The following DLGAP2 variants were observed in gnomAD, a reference collection of about 807,000 sequenced individuals.
The protein encoded by DLGAP2 is DLG associated protein 2, also known as disks large-associated protein 2.
Under a neutral mutation model 100.3 loss-of-function variants are expected in DLGAP2, and 26 were observed. The observed-to-expected ratio is 0.26, with a 90% CI of 0.19 to 0.36. The LOEUF (loss-of-function observed/expected upper bound fraction) is 0.36, where lower values mean the gene tolerates loss of function less well. Ranked by LOEUF, DLGAP2 falls within the 10% of genes least tolerant of loss-of-function variation. The probability of loss-of-function intolerance (pLI) is 1.00; values close to 1 mark genes in which losing one functional copy is unlikely to be tolerated. For synonymous variants in DLGAP2, 886 were observed against 630.1 expected (o/e 1.41, Z -6.08); for missense variants, 1,858 against 1,453.2 (o/e 1.28, Z -4.53).
chr8:1,022,885 T>G (rs1011985832), intron 2 of DLGAP2, among the ~76,000 whole-genome samples: 2 of 152,230 alleles, frequency 1.3e-5, no homozygotes, highest in African/African-American at 4.8e-5. Context: ...CAGAGTGTTG[T>G]CTTTGCACTG....
chr8:987,187 G>C (rs759852789), intron 2 of DLGAP2, among the ~76,000 whole-genome samples: 2 of 152,124 alleles, frequency 1.3e-5, no homozygotes, highest in Non-Finnish European at 2.9e-5. Flanking sequence ...GTTTGTGATG[G>C]TGTCTTTGCA....
intron 2 of DLGAP2, among the ~76,000 whole-genome samples, chr8:1,226,391 G>C (rs1016224885): frequency 3.9e-5 from 6 of 152,146 alleles, no homozygotes; most frequent in African/African-American, 1.4e-4. Flanking sequence ...AACACTACAT[G>C]TTCTCACTTA....
intron 3 of DLGAP2, among the ~76,000 whole-genome samples, chr8:1,444,612 T>C (rs1036107421): frequency 3.3e-5 from 5 of 152,004 alleles, no homozygotes; most frequent in African/African-American, 1.2e-4. Flanking sequence ...TCCACCTCCT[T>C]CTCCATCATC....
chr8:1,171,531 G>A (rs536234479), intron 2 of DLGAP2, among the ~76,000 whole-genome samples: 1 of 151,912 alleles, frequency 6.6e-6, no homozygotes, highest in South Asian at 2.1e-4. Flanking sequence ...TCTCTTTGTA[G>A]GTCACTCAGG....
chr8:822,603 C>G (rs1397208492), intron 1 of DLGAP2, among the ~76,000 whole-genome samples: 1 of 152,200 alleles, frequency 6.6e-6, no homozygotes, highest in Non-Finnish European at 1.5e-5. Context: ...GTGCATTCAC[C>G]AAGTGTACGT....
At chr8:1,671,732 C>A (rs765056770) in intron 10 of DLGAP2, among the ~76,000 whole-genome samples, 1 of 152,238 alleles carries the variant, frequency 6.6e-6, no homozygotes, top group African/African-American at 2.4e-5. Flanking sequence ...CAGAAGCCAG[C>A]GGCAAGTCCC....
intron 2 of DLGAP2, among the ~76,000 whole-genome samples, chr8:1,192,320 T>C (rs7013694): frequency 0.28 from 42,708 of 152,160 alleles, 6,775 homozygotes; most frequent in Middle Eastern, 0.44. Context: ...TATATATTTA[T>C]GGTGTAGAAT....
intron 6 of DLGAP2, among the ~76,000 whole-genome samples, chr8:1,592,279 G>T (rs1796315982): frequency 1.3e-5 from 2 of 152,278 alleles, no homozygotes; most frequent in South Asian, 2.1e-4. Flanking sequence ...ATTAGTCTAA[G>T]GTTGATTATG....
chr8:1,441,928 C>T (rs1428273994), intron 3 of DLGAP2, among the ~76,000 whole-genome samples: 1 of 152,020 alleles, frequency 6.6e-6, no homozygotes, highest in Non-Finnish European at 1.5e-5. Context: ...ACTATGCGGC[C>T]ATGAAAAGGG....
rs760268017 is a variant in DLGAP2, at chr8:1,355,985, A to G, written c.106+97102A>G. On this transcript the variant is annotated intron_variant, in intron 3 of 14. Coordinates refer to ENST00000637795, the MANE Select transcript of DLGAP2 (RefSeq NM_001346810.2). ...CCGGTGGCCTCACCCAAGGCTCCGCATTTGGGTGTTTGTGTATTTCCCCCC... is the reference window on the plus strand; with the variant it reads ...CCGGTGGCCTCACCCAAGGCTCCGCGTTTGGGTGTTTGTGTATTTCCCCCC... 1.1e-3 allele frequency among the ~76,000 whole-genome samples: 161 copies of G among 152,212 alleles called. 1 individual carries two copies. The highest frequency in any genetic ancestry group is 2.2e-3 in the Admixed American group (34 of 15,304).
chr8:1,431,970 A>G (rs867185349), intron 3 of DLGAP2, among the ~76,000 whole-genome samples: 4 of 141,660 alleles, frequency 2.8e-5, no homozygotes, highest in African/African-American at 1.1e-4. Flanking sequence ...TACGGCTGCC[A>G]TCCATCGGGG....
rs1468928962 is a variant in DLGAP2 at position 1,103,314 on chromosome 8, TGGCCTTGGTTAACGGTGATGACTGGCAG to T, written c.74-155512_74-155485del. ...ACTTTCAGGGCTTCTCAGAGTCGTA[TGGCCTTGGTTAACGGTGATGACTGGCAG>T]GGCCTTGGTTAACGGTGATGACTGA... is the stretch of plus-strand genomic sequence containing the variant. On this transcript the variant is annotated intron_variant, in intron 2 of 14. Transcript: ENST00000637795. 2.5e-3 allele frequency among the ~76,000 whole-genome samples: 382 copies of T among 152,246 alleles called. 16 individuals carry two copies. In the East Asian group the frequency reaches 0.058, roughly 23 times the overall value.
chr8:1,198,652 C>G (rs897572067), intron 2 of DLGAP2, among the ~76,000 whole-genome samples: 2 of 152,204 alleles, frequency 1.3e-5, no homozygotes, highest in Non-Finnish European at 2.9e-5. Flanking sequence ...AAAGGCCGAG[C>G]CGCTCAGGCC....
intron 7 of DLGAP2, among the ~76,000 whole-genome samples, chr8:1,631,950 C>G (rs1797656931): frequency 6.6e-6 from 1 of 152,178 alleles, no homozygotes; most frequent in Non-Finnish European, 1.5e-5. Flanking sequence ...GTGTTTAAAA[C>G]AGTGTATTTT....
intron 2 of DLGAP2, among the ~76,000 whole-genome samples, chr8:1,125,728 C>A (rs1193098171): frequency 6.6e-6 from 1 of 152,188 alleles, no homozygotes; most frequent in Non-Finnish European, 1.5e-5. Flanking sequence ...CAAGGTTTTA[C>A]GTTGTCTTGT....
intron 1 of DLGAP2, among the ~76,000 whole-genome samples, chr8:861,760 C>G (rs1427564828): frequency 6.6e-6 from 1 of 152,234 alleles, no homozygotes; most frequent in East Asian, 1.9e-4. Context: ...CGTTGACGCG[C>G]AGCTTGTCCC....
chr8:1,335,579 G>C (rs1801255386), intron 3 of DLGAP2, among the ~76,000 whole-genome samples: 1 of 152,208 alleles, frequency 6.6e-6, no homozygotes, highest in Non-Finnish European at 1.5e-5. Context: ...TGGTAGGGCA[G>C]GGTGCGGTGC....
intron 3 of DLGAP2, among the ~76,000 whole-genome samples, chr8:1,436,611 T>C (rs1318772284): frequency 1.3e-5 from 2 of 152,176 alleles, no homozygotes; most frequent in African/African-American, 4.8e-5. Flanking sequence ...TAACTTATTA[T>C]TGAGGAATGA....
chr8:1,149,802 CTT>C (rs2129051409), intron 2 of DLGAP2, among the ~76,000 whole-genome samples: 1 of 152,142 alleles, frequency 6.6e-6, no homozygotes, highest in East Asian at 1.9e-4. Context: ...ATTTTCCTCT[CTT>C]GACTCGTCAC....
Sources: allele counts gnomAD v4.1 joint callset (sites outside exome capture counted in the v4.1 genomes callset), GRCh38; gene constraint gnomAD v4.1.1; transcripts MANE v1.5; gene names NCBI Gene and HGNC (gene_info 2026-07-23, HGNC 2026-07-21).